Variants in ZNF804B observed in about 807,000 individuals in gnomAD.
The protein encoded by ZNF804B is zinc finger protein 804B, also known as zinc finger 804B.
ZNF804B carries 80 observed loss-of-function variants against 101.4 expected under a neutral mutation model. That is an observed-to-expected ratio of 0.79 (90% confidence interval 0.66 to 0.95). The LOEUF (loss-of-function observed/expected upper bound fraction) is 0.95. Among genes scored for constraint, ZNF804B ranks in the 40% least tolerant of loss-of-function variants. ZNF804B has a pLI of 0.00. For missense variants in ZNF804B, 1,673 were observed against 1,561.9 expected, an observed-to-expected ratio of 1.07 and a Z score of -1.20; for synonymous variants, 622 against 558.8, an observed-to-expected ratio of 1.11 and a Z score of -1.59.
At chr7:88,854,418 T>TTTCTTTCTTCCTTC (rs1562812575) in intron 1 of ZNF804B, among the ~76,000 whole-genome samples, 1 of 85,176 alleles carries the variant, frequency 1.2e-5, no homozygotes, top group Non-Finnish European at 2.5e-5. Flanking sequence ...TTTCTTCCTT[T>TTTCTTTCTTCCTTC]CTTTCTTTCT....
chr7:89,055,660 T>C (rs181289034), intron 1 of ZNF804B, among the ~76,000 whole-genome samples: 59 of 152,204 alleles, frequency 3.9e-4, no homozygotes, highest in Non-Finnish European at 7.4e-4. Context: ...GTGAAAAGTC[T>C]CACACATGCG....
At chr7:88,969,172 AAATT>A (rs1340791442) in intron 1 of ZNF804B, among the ~76,000 whole-genome samples, 2 of 151,596 alleles carry the variant, frequency 1.3e-5, no homozygotes, top group African/African-American at 4.8e-5. Flanking sequence ...TAGTGATATT[AAATT>A]AATTTTCCAT....
At chr7:88,866,611 C>T (rs887751817) in intron 1 of ZNF804B, among the ~76,000 whole-genome samples, 6 of 152,144 alleles carry the variant, frequency 3.9e-5, no homozygotes, top group Middle Eastern at 3.2e-3. Flanking sequence ...TGACATGAAG[C>T]TTTTTGAACT....
intron 2 of ZNF804B, among the ~76,000 whole-genome samples, chr7:89,279,118 G>C (rs1387218669): frequency 1.3e-5 from 2 of 152,124 alleles, no homozygotes; most frequent in African/African-American, 2.4e-5. Flanking sequence ...AAGCAATTGT[G>C]AATGGGAGTT....
intron 1 of ZNF804B, among the ~76,000 whole-genome samples, chr7:88,998,052 G>A (rs746029065): frequency 3.9e-5 from 6 of 152,038 alleles, no homozygotes; most frequent in Non-Finnish European, 7.4e-5. Context: ...TCTGACACAC[G>A]ACACTATGCC....
chr7:88,964,228 C>G (rs1353170614), intron 1 of ZNF804B, among the ~76,000 whole-genome samples: 1 of 151,350 alleles, frequency 6.6e-6, no homozygotes, highest in Non-Finnish European at 1.5e-5. Flanking sequence ...TATTTTTACA[C>G]CAATTTTCAT....
At chr7:89,070,772 G>T (rs1789523968) in intron 1 of ZNF804B, among the ~76,000 whole-genome samples, 1 of 151,952 alleles carries the variant, frequency 6.6e-6, no homozygotes, top group Admixed American at 6.6e-5. Flanking sequence ...ATTTTATAAG[G>T]ACCATTGATT....
At chr7:89,223,847 T>C (rs1437315543) in intron 2 of ZNF804B, among the ~76,000 whole-genome samples, 1 of 151,982 alleles carries the variant, frequency 6.6e-6, no homozygotes, top group Non-Finnish European at 1.5e-5. Context: ...CAACTCAATA[T>C]CTTAGCTATT....
At chr7:88,895,285 A>G (rs977285220) in intron 1 of ZNF804B, among the ~76,000 whole-genome samples, 2 of 152,240 alleles carry the variant, frequency 1.3e-5, no homozygotes, top group African/African-American at 4.8e-5. Flanking sequence ...TGGGTGGCAG[A>G]TGGTAGAAGC....
At chr7:88,877,028 T>TATATA (rs1791957111) in intron 1 of ZNF804B, among the ~76,000 whole-genome samples, 1 of 36,304 alleles carries the variant, frequency 2.8e-5, no homozygotes, top group African/African-American at 1.6e-4. Context: ...ATATATATAA[T>TATATA]ATATATATAT....
intron 1 of ZNF804B, among the ~76,000 whole-genome samples, chr7:89,040,476 T>A (rs1788999658): frequency 6.6e-6 from 1 of 152,206 alleles, no homozygotes; most frequent in Non-Finnish European, 1.5e-5. Flanking sequence ...CTATGGATTC[T>A]ATCCCTTTCT....
intron 1 of ZNF804B, among the ~76,000 whole-genome samples, chr7:88,949,955 G>A (rs1378124883): frequency 6.6e-6 from 1 of 151,866 alleles, no homozygotes; most frequent in Non-Finnish European, 1.5e-5. Context: ...TCACACAATG[G>A]CAAGTTTGCC....
intron 1 of ZNF804B, among the ~76,000 whole-genome samples, chr7:89,193,141 T>C (rs1000312278): frequency 6.6e-6 from 1 of 151,946 alleles, no homozygotes; most frequent in African/African-American, 2.4e-5. Flanking sequence ...TTGGAAGTCC[T>C]GGACAGGGAA....
chr7:88,807,475 C>T (rs1013323383), intron 1 of ZNF804B, among the ~76,000 whole-genome samples: 1 of 152,118 alleles, frequency 6.6e-6, no homozygotes, highest in South Asian at 2.1e-4. Flanking sequence ...AAAGAATGAT[C>T]GCTCTGAATA....
chr7:88,944,907 G>T (rs1793104933), intron 1 of ZNF804B, among the ~76,000 whole-genome samples: 1 of 151,834 alleles, frequency 6.6e-6, no homozygotes, highest in African/African-American at 2.4e-5. Flanking sequence ...GGCTATGTGT[G>T]TAATGTATAT....
chr7:88,842,886 T>G (rs867745853), intron 1 of ZNF804B, among the ~76,000 whole-genome samples: 3 of 152,212 alleles, frequency 2.0e-5, no homozygotes, highest in Admixed American at 6.5e-5. Context: ...ATAATTTTTA[T>G]TTTAGTTGTT....
chr7:89,047,993 G>C (rs1305806305), intron 1 of ZNF804B, among the ~76,000 whole-genome samples: 2 of 151,862 alleles, frequency 1.3e-5, no homozygotes, highest in Admixed American at 1.3e-4. Flanking sequence ...GGGAACAGGT[G>C]GTGTTTTCTT....
intron 2 of ZNF804B, among the ~76,000 whole-genome samples, chr7:89,258,937 C>T (rs1401018315): frequency 1.3e-5 from 2 of 151,904 alleles, no homozygotes; most frequent in South Asian, 2.1e-4. Flanking sequence ...GGCAAACATA[C>T]TCACTGTAAT....
intron 2 of ZNF804B, among the ~76,000 whole-genome samples, chr7:89,307,414 A>G (rs1275620287): frequency 6.6e-6 from 1 of 152,054 alleles, no homozygotes; most frequent in Admixed American, 6.6e-5. Context: ...AAATTTGCAT[A>G]AATGCACACA....
Sources: allele counts gnomAD v4.1 joint callset (sites outside exome capture counted in the v4.1 genomes callset), GRCh38; gene constraint gnomAD v4.1.1; transcripts MANE v1.5; gene names NCBI Gene and HGNC (gene_info 2026-07-23, HGNC 2026-07-21).